Variants in TCF25 observed in about 807,000 individuals in gnomAD.
The protein encoded by TCF25 is TCF25 ribosome quality control complex subunit, also known as ribosome quality control complex subunit TCF25.
In TCF25, 41 loss-of-function variants were observed where a neutral mutation model predicts 83.1. That is an observed-to-expected ratio of 0.49 (90% confidence interval 0.38 to 0.64). The LOEUF (loss-of-function observed/expected upper bound fraction) is 0.64, where lower values mean the gene tolerates loss of function less well. Ranked by LOEUF, TCF25 falls within the 30% of genes least tolerant of loss-of-function variation. TCF25 has a pLI of 0.00. For synonymous variants in TCF25, 458 were observed against 365.0 expected (o/e 1.25, Z -2.90); for missense variants, 979 against 914.5 (o/e 1.07, Z -0.91).
chr16:89,889,401 T>A (rs932268467), intron 5 of TCF25: 3 of 256,110 alleles, frequency 1.2e-5, no homozygotes, highest in Non-Finnish European at 7.7e-6. Flanking sequence ...GATGTCAAAC[T>A]CCTGGCTTCA....
At chr16:89,909,700 C>G (rs766916344) in intron 16 of TCF25, 67 of 150,478 alleles carry the variant, frequency 4.5e-4, no homozygotes, top group Non-Finnish European at 8.2e-4. Context: ...AAAAAATCCT[C>G]CAGTAAGGTG....
At chr16:89,883,251 G>T in intron 1 of TCF25, 100 bp from the exon 2 acceptor site, 2 of 1,503,942 alleles carry the variant, frequency 1.3e-6, no homozygotes, top group Admixed American at 1.9e-5. Context: ...GACCCTGGGG[G>T]TCCCCAACGC....
rs1355080683 is a variant in TCF25, at chr16:89,884,636, A to G, written c.409A>G (p.Ser137Gly). Residue 137 changes from serine (S) to glycine (G), a missense_variant, in exon 3 of 18, where the codon AGC becomes GGC. Coordinates refer to ENST00000263346, the MANE Select transcript of TCF25 (RefSeq NM_014972.3). ...KKKKKQKNKK[S>G]STGEASENGL... ...GAAAAAAAAACAGAAAAACAAGAAA[A>G]GCAGCACGGGAGAAGCATCGGTACG... The G allele has an allele frequency of 3.7e-6, 6 of 1,613,022 alleles. No individual in the cohort carries two copies. In the East Asian group the frequency reaches 1.3e-4, roughly 36 times the overall value.
At chr16:89,887,790 C>A in intron 5 of TCF25, 73 bp downstream of exon 5, 1 of 1,402,710 alleles carries the variant, frequency 7.1e-7, no homozygotes, top group Non-Finnish European at 9.6e-7. Context: ...GGGTGGTGTT[C>A]CTGAAGCTAG....
At chr16:89,883,698 G>T (rs941651026) in intron 2 of TCF25, 186 bp downstream of exon 2, 4 of 665,050 alleles carry the variant, frequency 6.0e-6, no homozygotes, top group Non-Finnish European at 9.9e-6. Flanking sequence ...AGTGAAGGTC[G>T]CAGGCCTTTC....
intron 7 of TCF25, among the ~76,000 whole-genome samples, chr16:89,894,619 T>A (rs2043703794): frequency 6.6e-6 from 1 of 152,204 alleles, no homozygotes; most frequent in Non-Finnish European, 1.5e-5. Flanking sequence ...CTAGCCTATT[T>A]TGAGTTGGGG....
intron 5 of TCF25, chr16:89,889,359 T>C (rs892923210): frequency 7.0e-6 from 2 of 287,416 alleles, no homozygotes; most frequent in Non-Finnish European, 1.3e-5. Flanking sequence ...TTATTTTTTA[T>C]AGAAACAAGG....
At chr16:89,880,823 C>G (rs1470789519) in intron 1 of TCF25, among the ~76,000 whole-genome samples, 1 of 120,816 alleles carries the variant, frequency 8.3e-6, no homozygotes, top group Non-Finnish European at 1.8e-5. Flanking sequence ...TGACCACCCA[C>G]AGGTTAGAAA....
At chr16:89,878,546 AAAG>A in intron 1 of TCF25, 1 of 1,226,644 alleles carries the variant, frequency 8.2e-7, no homozygotes, top group South Asian at 1.4e-5. Context: ...GCTTTATCCT[AAAG>A]AAGATCAGTC....
Position 89,894,648 on chromosome 16 carries a change from C to T in TCF25, c.829-390C>T, listed in dbSNP as rs1346600204. Among the ~76,000 whole-genome samples the T allele has an allele frequency of 2.0e-5, 3 of 152,270 alleles. No individual in the cohort carries two copies. In the East Asian group the frequency reaches 5.8e-4, roughly 29 times the overall value. ...GTTGGGGGGACGTTGTGAGTGTCGA[C>T]CCGGTAATTCCCCCGTTTTTGTTTT... On this transcript the variant is annotated intron_variant, in intron 7 of 17. Transcript: ENST00000263346.
Position 89,885,977 on chromosome 16 carries a change from C to CGCCCTTCTCTGTGGCT in TCF25, c.548+22_548+23insTGGCTGCCCTTCTCTG, listed in dbSNP as rs1555609809. The stretch of plus-strand genomic sequence containing the variant: ...CTACGTGGAGCACAGGTGTGGCCCC[C>CGCCCTTCTCTGTGGCT]GCCCTTCTCTGCGGCTGCCCTTCTC... On this transcript the variant is annotated intron_variant, in intron 4 of 17. Coordinates refer to ENST00000263346, the MANE Select transcript of TCF25 (RefSeq NM_014972.3). The CGCCCTTCTCTGTGGCT allele has an allele frequency of 0.013, 19,223 of 1,514,640 alleles. 1,173 individuals are homozygous for CGCCCTTCTCTGTGGCT. Among genetic ancestry groups the CGCCCTTCTCTGTGGCT allele is most frequent in the South Asian group, 0.063 (5,519 of 87,608 alleles). The allele number at this position is 1,514,640 out of a possible 1,614,324, so 93.8% of individuals were successfully genotyped here.
chr16:89,900,271 CTCACA>C (rs1393774759), intron 11 of TCF25, among the ~76,000 whole-genome samples: 2 of 152,112 alleles, frequency 1.3e-5, no homozygotes, highest in South Asian at 2.1e-4. Context: ...GTGGGCTGCT[CTCACA>C]GACTCGCGCG....
At chr16:89,883,244 C>T in intron 1 of TCF25, 107 bp from the exon 2 acceptor site, 2 of 1,476,370 alleles carry the variant, frequency 1.4e-6, no homozygotes, top group Non-Finnish European at 1.8e-6. Flanking sequence ...TCGCACTGAC[C>T]CTGGGGGTCC....
chr16:89,910,520 C>A, intron 16 of TCF25, 71 bp from the exon 17 acceptor site: 2 of 1,539,732 alleles, frequency 1.3e-6, no homozygotes, highest in South Asian at 2.2e-5. Flanking sequence ...GGCAGGCAGC[C>A]CCGTGAGCCG....
intron 9 of TCF25, among the ~76,000 whole-genome samples, chr16:89,896,646 C>T (rs1247689325): frequency 6.6e-6 from 1 of 151,434 alleles, no homozygotes; most frequent in Non-Finnish European, 1.5e-5. Context: ...CTCCACCTCC[C>T]GGGTTCAAGC....
At chr16:89,902,552 G>A (rs1410962009) in intron 12 of TCF25, among the ~76,000 whole-genome samples, 1 of 148,052 alleles carries the variant, frequency 6.8e-6, no homozygotes, top group Admixed American at 6.7e-5. Context: ...AGCCGGGCGT[G>A]TTGGCCGGCA....
At chr16:89,877,305 AC>A (rs1468089250) in intron 1 of TCF25, among the ~76,000 whole-genome samples, 2 of 151,960 alleles carry the variant, frequency 1.3e-5, no homozygotes, top group Non-Finnish European at 2.9e-5. Flanking sequence ...CTGGGCTCAA[AC>A]CATCCTCCCA....
chr16:89,894,407 C>T (rs552423059), intron 7 of TCF25, among the ~76,000 whole-genome samples: 3 of 145,678 alleles, frequency 2.1e-5, no homozygotes, highest in South Asian at 2.1e-4. Context: ...GCGGCCCTCA[C>T]GCAGCCGCCG....
chr16:89,882,451 T>A (rs2042679016), intron 1 of TCF25, among the ~76,000 whole-genome samples: 1 of 152,106 alleles, frequency 6.6e-6, no homozygotes, highest in African/African-American at 2.4e-5. Flanking sequence ...GGCAGGAGGA[T>A]GCTTGAACCC....
Sources: allele counts gnomAD v4.1 joint callset (sites outside exome capture counted in the v4.1 genomes callset), GRCh38; gene constraint gnomAD v4.1.1; transcripts MANE v1.5; gene names NCBI Gene and HGNC (gene_info 2026-07-23, HGNC 2026-07-21).